Variants in RNF216 observed in about 807,000 individuals in gnomAD.
RNF216 encodes ring finger protein 216.
Under a neutral mutation model 110.8 loss-of-function variants are expected in RNF216, and 72 were observed. That is an observed-to-expected ratio of 0.65 (90% confidence interval 0.54 to 0.79). RNF216 has a LOEUF of 0.79. Ranked by LOEUF, RNF216 falls within the 30% of genes least tolerant of loss-of-function variation. The pLI, the probability that RNF216 is intolerant of heterozygous loss-of-function variation, is 0.00. For missense variants in RNF216, 1,342 were observed against 1,141.2 expected, an observed-to-expected ratio of 1.18 and a Z score of -2.54; for synonymous variants, 495 against 407.5, an observed-to-expected ratio of 1.21 and a Z score of -2.59.
At chr7:5,715,001 T>TA in intron 11 of RNF216, 52 bp downstream of exon 11, 1 of 1,536,556 alleles carries the variant, frequency 6.5e-7, no homozygotes, top group Non-Finnish European at 8.8e-7. Flanking sequence ...ATGGTCTCCT[T>TA]AGACTCCAGG....
At chr7:5,646,740 G>A (rs1584370385) in intron 14 of RNF216, among the ~76,000 whole-genome samples, 1 of 151,510 alleles carries the variant, frequency 6.6e-6, no homozygotes, top group African/African-American at 2.4e-5. Context: ...TCCTTGTTAT[G>A]TGTGGTCACT....
rs1795911080 is a variant in RNF216, at chr7:5,761,127, G to C, written c.-58C>G. 1.2e-5 allele frequency: 14 copies of C among 1,174,502 alleles called. No individual in the cohort carries two copies. The highest frequency in any genetic ancestry group is 1.7e-5 in the Non-Finnish European group (14 of 825,514). The allele number at this position is 1,174,502 out of a possible 1,614,324, so 72.8% of individuals were successfully genotyped here. On this transcript the variant is annotated 5_prime_UTR_variant, in exon 2 of 17. Coordinates refer to ENST00000389902, the MANE Select transcript of RNF216 (RefSeq NM_207111.4). ...TAATATCTAAACATGGTGACCATCT[G>C]TTTCAAAAGAACTGAAAAGGAAGCA... is the stretch of plus-strand genomic sequence containing the variant.
intron 13 of RNF216, among the ~76,000 whole-genome samples, chr7:5,669,759 T>G (rs571709550): frequency 1.3e-5 from 2 of 152,092 alleles, no homozygotes; most frequent in Non-Finnish European, 2.9e-5. Flanking sequence ...CGACATGGTG[T>G]TGTGCACTTG....
intron 13 of RNF216, among the ~76,000 whole-genome samples, chr7:5,667,939 A>G (rs553338627): frequency 1.9e-4 from 29 of 152,228 alleles, no homozygotes; most frequent in Non-Finnish European, 4.0e-4. Context: ...TGAGTCATTC[A>G]GCAGAAGTGC....
chr7:5,758,082 C>T (rs1390222595), intron 2 of RNF216, among the ~76,000 whole-genome samples: 2 of 151,984 alleles, frequency 1.3e-5, no homozygotes, highest in Admixed American at 6.6e-5. Flanking sequence ...AGTATACATA[C>T]TCGTCTAACA....
At chr7:5,759,633 C>CTTCTTCTTTTTTT (rs59390560) in intron 2 of RNF216, among the ~76,000 whole-genome samples, 1 of 131,182 alleles carries the variant, frequency 7.6e-6, no homozygotes. Context: ...CATTTTTCTT[C>CTTCTTCTTTTTTT]TTTTTTTTTT....
intron 1 of RNF216, among the ~76,000 whole-genome samples, chr7:5,779,081 T>C (rs1406360691): frequency 6.6e-6 from 1 of 152,264 alleles, no homozygotes; most frequent in Non-Finnish European, 1.5e-5. Context: ...GCAAATATAA[T>C]GATATCAGGT....
chr7:5,757,618 T>G (rs1317178489), intron 2 of RNF216, among the ~76,000 whole-genome samples: 4 of 152,166 alleles, frequency 2.6e-5, no homozygotes, highest in Non-Finnish European at 5.9e-5. Flanking sequence ...AACATTACCT[T>G]TCACAAAAGA....
At chr7:5,653,316 C>T (rs995600051) in intron 13 of RNF216, among the ~76,000 whole-genome samples, 1 of 152,000 alleles carries the variant, frequency 6.6e-6, no homozygotes, top group African/African-American at 2.4e-5. Context: ...AAGAGCCAGG[C>T]GCGGTGGCTC....
chr7:5,761,056 T>C lies in RNF216; in HGVS notation c.14A>G (p.Asn5Ser), dbSNP rs552086854. The change falls in exon 2 of 17, where the codon AAC becomes AGC. Residue 5 changes from asparagine to serine, a missense_variant. By Grantham distance (46) the Asn-to-Ser change is conservative (BLOSUM62 1). Coordinates refer to ENST00000389902, the MANE Select transcript of RNF216 (RefSeq NM_207111.4). MEEG[N>S]NNEEVIHLNN... The stretch of plus-strand genomic sequence containing the variant: ...CAAGTGAATTACCTCTTCATTGTTG[T>C]TTCCCTCTTCCATTTTCAAATGCAG... 1.3e-6 allele frequency: 2 copies of C among 1,581,026 alleles called. No homozygotes were observed. Among genetic ancestry groups the C allele is most frequent in the East Asian group, 4.6e-5 (2 of 43,694 alleles).
At chr7:5,667,538 C>T (rs1789609614) in intron 13 of RNF216, among the ~76,000 whole-genome samples, 1 of 152,234 alleles carries the variant, frequency 6.6e-6, no homozygotes, top group South Asian at 2.1e-4. Flanking sequence ...CCTGCAGGAG[C>T]AGGGCCATGC....
rs1249829817 is a variant in RNF216, at chr7:5,623,191, G to T, written c.2453-12C>A. On this transcript the variant is annotated splice_polypyrimidine_tract_variant and intron_variant, in intron 16 of 16. Coordinates refer to ENST00000389902, the MANE Select transcript of RNF216 (RefSeq NM_207111.4). ...TTTGAAGGTGTTCTCTGAAAGGGAT[G>T]TGGGGATTAGTGGAGAAAAACATTA... 3.9e-5 allele frequency: 60 copies of T among 1,531,186 alleles called. No homozygotes were observed. Among genetic ancestry groups the T allele is most frequent in the Non-Finnish European group, 5.1e-5 (58 of 1,134,918 alleles). 94.8% of individuals were successfully genotyped at this position (1,531,186 alleles called of 1,614,324 possible).
chr7:5,760,843 T>G (rs1011637727), intron 2 of RNF216, among the ~76,000 whole-genome samples, 160 bp downstream of exon 2: 1 of 152,248 alleles, frequency 6.6e-6, no homozygotes, highest in Non-Finnish European at 1.5e-5. Flanking sequence ...GCCAGCAATA[T>G]CATTATCTGA....
intron 4 of RNF216, 152 bp from the exon 5 acceptor site, chr7:5,739,504 G>C: frequency 1.3e-6 from 1 of 755,140 alleles, no homozygotes; most frequent in Non-Finnish European, 2.3e-6. Context: ...TTCAACACTA[G>C]TTCCCAGATT....
At chr7:5,628,577 C>T (rs1158989054) in intron 15 of RNF216, among the ~76,000 whole-genome samples, 1 of 152,082 alleles carries the variant, frequency 6.6e-6, no homozygotes, top group East Asian at 1.9e-4. Flanking sequence ...GGCTGGGGTG[C>T]AGTGGCACCA....
chr7:5,734,805 C>A (rs1020995867), intron 5 of RNF216, among the ~76,000 whole-genome samples: 11 of 111,936 alleles, frequency 9.8e-5, no homozygotes, highest in East Asian at 3.1e-4. Context: ...GCTTGGGCGA[C>A]AAGGGCAAAA....
At chr7:5,728,557 G>C (rs1562436451) in intron 7 of RNF216, among the ~76,000 whole-genome samples, 1 of 151,496 alleles carries the variant, frequency 6.6e-6, no homozygotes, top group Non-Finnish European at 1.5e-5. Context: ...CTGGGCAACA[G>C]AGTGAGACTC....
intron 14 of RNF216, 26 bp from the exon 15 acceptor site, chr7:5,641,402 G>T (rs935331967): frequency 6.3e-7 from 1 of 1,589,082 alleles, no homozygotes; most frequent in Non-Finnish European, 8.6e-7. Context: ...ATAATTTGGA[G>T]CTGGGAGGGA....
At chr7:5,660,612 G>GT (rs1404563786) in intron 13 of RNF216, among the ~76,000 whole-genome samples, 1 of 151,466 alleles carries the variant, frequency 6.6e-6, no homozygotes, top group Non-Finnish European at 1.5e-5. Context: ...GGGTCTCACT[G>GT]TGTCACCCAG....
Sources: allele counts gnomAD v4.1 joint callset (sites outside exome capture counted in the v4.1 genomes callset), GRCh38; gene constraint gnomAD v4.1.1; transcripts MANE v1.5; gene names NCBI Gene and HGNC (gene_info 2026-07-23, HGNC 2026-07-21).